Variants in DYNC1I1 observed in about 807,000 individuals in gnomAD.
DYNC1I1 encodes dynein cytoplasmic 1 intermediate chain 1, also known as cytoplasmic dynein 1 intermediate chain 1.
Under a neutral mutation model 86.6 loss-of-function variants are expected in DYNC1I1, and 43 were observed. The ratio of observed to expected loss-of-function variants is 0.50; its 90% CI spans 0.39 to 0.64. The LOEUF is 0.64. Among genes scored for constraint, DYNC1I1 ranks in the 30% least tolerant of loss-of-function variants. The pLI, the probability that DYNC1I1 is intolerant of heterozygous loss-of-function variation, is 0.00. For synonymous variants in DYNC1I1, 262 were observed against 283.7 expected, an observed-to-expected ratio of 0.92 and a Z score of 0.77; for missense variants, 604 against 788.8, an observed-to-expected ratio of 0.77 and a Z score of 2.81.
rs1319706275 is a variant in DYNC1I1, at chr7:96,076,047, T to C, written c.1510-10T>C. On this transcript the variant is annotated splice_polypyrimidine_tract_variant and intron_variant, in intron 14 of 16. Coordinates refer to ENST00000447467, the MANE Select transcript of DYNC1I1 (RefSeq NM_001135556.2). Reference sequence around the variant, plus strand: ...CGCCACAAAGTCTTCACGGTCTCTCTGCTTTACAGCACAACAAGCCGCTCT... The same window carrying C: ...CGCCACAAAGTCTTCACGGTCTCTCCGCTTTACAGCACAACAAGCCGCTCT... The C allele has an allele frequency of 2.5e-6, 4 of 1,612,882 alleles. No homozygotes were observed. In the East Asian group the frequency reaches 6.7e-5, roughly 27 times the overall value.
chr7:95,926,136 T>A (rs1366119195), intron 6 of DYNC1I1, among the ~76,000 whole-genome samples: 1 of 152,156 alleles, frequency 6.6e-6, no homozygotes, highest in Non-Finnish European at 1.5e-5. Context: ...TCATAAGATT[T>A]CAAACAATGT....
At chr7:96,084,576 C>A (rs984059047) in intron 16 of DYNC1I1, among the ~76,000 whole-genome samples, 1 of 151,726 alleles carries the variant, frequency 6.6e-6, no homozygotes, top group Non-Finnish European at 1.5e-5. Flanking sequence ...GCGCATGCCA[C>A]AACACCCAGC....
chr7:96,103,218 G>C (rs1462782700), downstream of DYNC1I1, among the ~76,000 whole-genome samples: 1 of 152,166 alleles, frequency 6.6e-6, no homozygotes, highest in African/African-American at 2.4e-5. Flanking sequence ...TTCAGTTTGT[G>C]GGTACAGGTT....
At chr7:95,965,211 CT>C (rs1361591901) in intron 6 of DYNC1I1, among the ~76,000 whole-genome samples, 1 of 152,212 alleles carries the variant, frequency 6.6e-6, no homozygotes, top group African/African-American at 2.4e-5. Context: ...CAGCTAGCAG[CT>C]TTGTTTTCAA....
At chr7:96,080,524 C>T in intron 16 of DYNC1I1, 36 bp downstream of exon 16, 1 of 1,614,036 alleles carries the variant, frequency 6.2e-7, no homozygotes, top group East Asian at 2.2e-5. Context: ...ACTGTTTTGA[C>T]TTGTGTATCT....
intron 10 of DYNC1I1, among the ~76,000 whole-genome samples, chr7:96,020,097 CAA>C (rs10595929): frequency 0.15 from 18,704 of 122,072 alleles, 1,291 homozygotes; most frequent in African/African-American, 0.17. Flanking sequence ...AAAAGAAAGC[CAA>C]AAAAAAAAAA....
chr7:95,916,267 A>G (rs1428279772), intron 6 of DYNC1I1, among the ~76,000 whole-genome samples: 1 of 152,220 alleles, frequency 6.6e-6, no homozygotes, highest in Non-Finnish European at 1.5e-5. Context: ...TTGTGGGCTT[A>G]GAGAACTTTA....
At chr7:96,053,111 C>T (rs1209530833) in intron 14 of DYNC1I1, among the ~76,000 whole-genome samples, 3 of 152,134 alleles carry the variant, frequency 2.0e-5, no homozygotes, top group South Asian at 2.1e-4. Context: ...AAAATGATAG[C>T]GACTTCATTG....
At chr7:96,100,341 CCCTTCCTTCCTTCCTTTCCTTCCTT>C (rs1004961872), downstream of DYNC1I1, among the ~76,000 whole-genome samples, 13 of 151,592 alleles carry the variant, frequency 8.6e-5, no homozygotes, top group South Asian at 8.3e-4. Flanking sequence ...CTCCCTCTCT[CCCTTCCTTCCTTCCTTTCCTTCCTT>C]CCTTCCTTCC....
intron 6 of DYNC1I1, among the ~76,000 whole-genome samples, chr7:95,893,970 T>C (rs1652739053): frequency 6.6e-6 from 1 of 152,184 alleles, no homozygotes; most frequent in African/African-American, 2.4e-5. Flanking sequence ...TTTATTCGGT[T>C]CCTCAGTGGA....
chr7:96,085,835 A>T (rs1226406031), intron 16 of DYNC1I1, among the ~76,000 whole-genome samples: 2 of 152,206 alleles, frequency 1.3e-5, no homozygotes, highest in Non-Finnish European at 2.9e-5. Flanking sequence ...TTTGTTTTGG[A>T]TTGTAGGAAG....
intron 10 of DYNC1I1, among the ~76,000 whole-genome samples, chr7:96,018,854 C>G (rs1994506): frequency 0.14 from 21,969 of 152,052 alleles, 1,972 homozygotes; most frequent in East Asian, 0.39. Context: ...TACATTGATG[C>G]GGAAGGAAAC....
intron 3 of DYNC1I1, among the ~76,000 whole-genome samples, chr7:95,810,993 A>G (rs765986779): frequency 1.3e-5 from 2 of 152,170 alleles, no homozygotes; most frequent in Non-Finnish European, 2.9e-5. Flanking sequence ...AAATGGTGGC[A>G]GATTAGCAGC....
chr7:95,890,478 AT>A (rs1181910257), intron 6 of DYNC1I1, among the ~76,000 whole-genome samples: 2 of 152,144 alleles, frequency 1.3e-5, no homozygotes, highest in Non-Finnish European at 2.9e-5. Flanking sequence ...AAAAGTAACT[AT>A]TGGGTACTAG....
chr7:95,773,148 G>T (rs889886827), intron 1 of DYNC1I1, among the ~76,000 whole-genome samples: 3 of 152,216 alleles, frequency 2.0e-5, no homozygotes, highest in Non-Finnish European at 2.9e-5. Flanking sequence ...CTGGGCCACC[G>T]GCTGACTGCC....
At chr7:95,917,661 A>G (rs780220966) in intron 6 of DYNC1I1, among the ~76,000 whole-genome samples, 15 of 152,218 alleles carry the variant, frequency 9.9e-5, no homozygotes, top group South Asian at 4.1e-4. Context: ...TGCATTTGCT[A>G]GTCATCTTTG....
At chr7:95,839,188 G>T (rs1309827491) in intron 5 of DYNC1I1, among the ~76,000 whole-genome samples, 3 of 152,020 alleles carry the variant, frequency 2.0e-5, no homozygotes, top group Non-Finnish European at 4.4e-5. Flanking sequence ...GCGCCACCAT[G>T]CCTGGCTAAT....
chr7:95,855,617 G>A lies in DYNC1I1; in HGVS notation c.375-14266G>A, dbSNP rs140140936. Among the ~76,000 whole-genome samples, 535 of 152,270 alleles carry A rather than the reference G, an allele frequency of 3.5e-3. 4 individuals carry two copies. Among genetic ancestry groups the A allele is most frequent in the Non-Finnish European group, 5.8e-3 (395 of 68,010 alleles). ...AGAATGTACTTACACAAGCGTTGAT[G>A]GAATATATCCCCTATGATGCTCCTA... is the stretch of plus-strand genomic sequence containing the variant. On this transcript the variant is annotated intron_variant, in intron 5 of 16. Coordinates refer to ENST00000447467, the MANE Select transcript of DYNC1I1 (RefSeq NM_001135556.2).
rs1794841981 is a variant in DYNC1I1, at chr7:96,032,702, G to T, written c.1152G>T (p.Gln384His). 1 of 1,613,716 alleles carries T rather than the reference G, an allele frequency of 6.2e-7. No individual in the cohort carries two copies. Among genetic ancestry groups the T allele is most frequent in the Non-Finnish European group, 8.5e-7 (1 of 1,179,724 alleles). ...ACTGTGTAAATGTTGTTGGGACCCAGAATGCTCATAACCTCATCACTGTCT... is the reference window on the plus strand; with the variant it reads ...ACTGTGTAAATGTTGTTGGGACCCATAATGCTCATAACCTCATCACTGTCT... ...PVYCVNVVGT[Q>H]NAHNLITVST... Residue 384 changes from glutamine to histidine, a missense_variant, in exon 12 of 17, where the codon CAG (glutamine) becomes CAT (histidine). By Grantham distance (24) the Gln-to-His change is conservative. Coordinates refer to ENST00000447467, the MANE Select transcript of DYNC1I1 (RefSeq NM_001135556.2).
Sources: allele counts gnomAD v4.1 joint callset (sites outside exome capture counted in the v4.1 genomes callset), GRCh38; gene constraint gnomAD v4.1.1; transcripts MANE v1.5; gene names NCBI Gene and HGNC (gene_info 2026-07-23, HGNC 2026-07-21).